XCL2: variants seen among roughly 807,000 people sequenced by gnomAD.
The protein encoded by XCL2 is X-C motif chemokine ligand 2.
Under a neutral mutation model 7.2 loss-of-function variants are expected in XCL2, and 8 were observed. The observed-to-expected ratio is 1.10, with a 90% CI of 0.65 to 1.99. The LOEUF (loss-of-function observed/expected upper bound fraction) is 1.99. Among genes scored for constraint, XCL2 ranks in the 30% most tolerant of loss-of-function variants. The probability of loss-of-function intolerance (pLI) is 0.00; values close to 1 mark genes in which losing one functional copy is unlikely to be tolerated. For synonymous variants in XCL2, 46 were observed against 54.2 expected (o/e 0.85, Z 0.67); for missense variants, 131 against 138.6 (o/e 0.94, Z 0.28).
At position 168,542,038 on chromosome 1, in the gene XCL2, C is replaced by A. The variant is rs1278128029; in HGVS notation, c.131G>T (p.Arg44Ile). The A allele has an allele frequency of 6.2e-7, 1 of 1,602,878 alleles. No individual in the cohort carries two copies. The highest frequency in any genetic ancestry group is 1.1e-5 in the South Asian group (1 of 89,686). ...TTCCGTGATGGTGTAGGTCTTGATT[C>A]TGCTAACTGGCAGTCGCTGGGTAGT... The part of the protein sequence containing the change: ...SLTTQRLPVS[R>I]IKTYTITEGS... The change falls in exon 2 of 3, where the codon AGA becomes ATA. Residue 44 changes from arginine (R) to isoleucine (I), a missense_variant. Arg to Ile is a moderately conservative substitution (Grantham distance 97). Coordinates refer to ENST00000367819, the MANE Select transcript of XCL2 (RefSeq NM_003175.4).
chr1:168,542,567 G>C (rs572878679), intron 1 of XCL2, among the ~76,000 whole-genome samples: 3 of 152,022 alleles, frequency 2.0e-5, no homozygotes, highest in East Asian at 3.9e-4. Flanking sequence ...ATTTCAAATA[G>C]TGCAACATGT....
chr1:168,541,244 G>C, intron 2 of XCL2, 124 bp from the exon 3 acceptor site: 5 of 1,294,812 alleles, frequency 3.9e-6, no homozygotes, highest in Non-Finnish European at 5.2e-6. Flanking sequence ...TAGTCTTTCA[G>C]AGCCATGAGA....
intron 1 of XCL2, among the ~76,000 whole-genome samples, chr1:168,542,537 A>ACAGG (rs1654311516): frequency 1.3e-5 from 2 of 152,108 alleles, no homozygotes; most frequent in East Asian, 3.9e-4. Flanking sequence ...CAGGCAGCAG[A>ACAGG]CAGGCAAACA....
At position 168,542,116 on chromosome 1, in the gene XCL2, G is replaced by GAA; in HGVS notation, c.62-11_62-10dup. Reference sequence around the variant, plus strand: ...GACTTCACTCCCTACACCTGATGAGGAAAAAAAAACAACAGACAATTAAAA... The same window carrying GAA: ...GACTTCACTCCCTACACCTGATGAGGAAAAAAAAAAACAACAGACAATTAAAA... On this transcript the variant is annotated splice_polypyrimidine_tract_variant and intron_variant, in intron 1 of 2. Coordinates refer to ENST00000367819, the MANE Select transcript of XCL2 (RefSeq NM_003175.4). The GAA allele has an allele frequency of 1.1e-5, 15 of 1,382,696 alleles. No individual in the cohort carries two copies. The highest frequency in any genetic ancestry group is 4.6e-5 in the South Asian group (3 of 65,250). The allele number at this position is 1,382,696 out of a possible 1,614,324, so 85.7% of individuals were successfully genotyped here.
chr1:168,540,932 G>A lies in XCL2; in HGVS notation c.*20C>T, dbSNP rs770791956. On this transcript the variant is annotated 3_prime_UTR_variant, in exon 3 of 3. Transcript: ENST00000367819. Reference sequence around the variant, plus strand: ...TGAAATGAGCTGGCTGGCTGGAGACGGACAGGGTGCCAGAGACTACTAGCC... The same window carrying A: ...TGAAATGAGCTGGCTGGCTGGAGACAGACAGGGTGCCAGAGACTACTAGCC... 13 of 1,610,516 alleles carry A rather than the reference G, an allele frequency of 8.1e-6. No individual in the cohort carries two copies. The highest frequency in any genetic ancestry group is 1.1e-5 in the Non-Finnish European group (13 of 1,177,186).
Position 168,542,082 on chromosome 1 carries a change from C to T in XCL2, c.87G>A (p.Arg29=). 1.3e-6 allele frequency: 2 copies of T among 1,544,180 alleles called. No homozygotes were observed. The highest frequency in any genetic ancestry group is 8.8e-7 in the Non-Finnish European group (1 of 1,138,184). The change falls in exon 2 of 3, where the codon AGG becomes AGA. Residue 29 remains arginine, a synonymous_variant. Transcript: ENST00000367819. ...GGGTAGTGAGGCTCACACAGGTCCT[C>T]CTATGTGAGACTTCACTCCCTACAC... is the stretch of plus-strand genomic sequence containing the variant. ...VEGVGSEVSH[R]RTCVSLTTQR... is the part of the protein sequence containing the mutation.
chr1:168,543,882 C>T (rs1244721674), intron 1 of XCL2, 22 bp downstream of exon 1: 1 of 1,593,728 alleles, frequency 6.3e-7, no homozygotes, highest in Non-Finnish European at 8.6e-7. Context: ...TTCTTTATCT[C>T]ACAGACAGCT....
intron 2 of XCL2, 86 bp from the exon 3 acceptor site, chr1:168,541,206 G>T: frequency 6.6e-7 from 1 of 1,504,846 alleles, no homozygotes; most frequent in Admixed American, 2.1e-5. Flanking sequence ...GACATGAAGA[G>T]ATCTTGTGCA....
chr1:168,543,676 AC>A (rs1238371343), intron 1 of XCL2, among the ~76,000 whole-genome samples: 1 of 148,270 alleles, frequency 6.7e-6, no homozygotes, highest in Non-Finnish European at 1.5e-5. Context: ...ACCTGAAATT[AC>A]CCAATTAGGA....
chr1:168,543,022 A>C (rs1654322977), intron 1 of XCL2: 2 of 358,758 alleles, frequency 5.6e-6, no homozygotes. Context: ...CTACTCAGCC[A>C]CTTAAGCTGA....
In XCL2 at chr1:168,542,091, G is replaced by T; in HGVS notation, c.78C>A (p.Val26=). Residue 26 remains valine, a synonymous_variant, in exon 2 of 3, where the codon GTC becomes GTA. Transcript: ENST00000367819. ...GGCTCACACAGGTCCTCCTATGTGAGACTTCACTCCCTACACCTGATGAGG... is the reference window on the plus strand; with the variant it reads ...GGCTCACACAGGTCCTCCTATGTGATACTTCACTCCCTACACCTGATGAGG... ...AYIVEGVGSE[V]SHRRTCVSLT... The T allele has an allele frequency of 1.3e-6, 2 of 1,527,870 alleles. No individual in the cohort carries two copies. Among genetic ancestry groups the T allele is most frequent in the Non-Finnish European group, 1.8e-6 (2 of 1,130,184 alleles). 94.6% of individuals were successfully genotyped at this position (1,527,870 alleles called of 1,614,324 possible). A position where few individuals can be genotyped will look rare whatever the true frequency, so the allele number is the denominator to read the frequency against.
At chr1:168,543,864 C>A in intron 1 of XCL2, 40 bp downstream of exon 1, 1 of 1,588,398 alleles carries the variant, frequency 6.3e-7, no homozygotes, top group Non-Finnish European at 8.6e-7. Context: ...ACCTGCCTTG[C>A]CTCCCTATTC....
Position 168,543,887 on chromosome 1 carries a change from A to C in XCL2, c.61+17T>G. 6.3e-7 allele frequency: 1 copy of C among 1,596,090 alleles called. No individual in the cohort carries two copies. Among genetic ancestry groups the C allele is most frequent in the Non-Finnish European group, 8.6e-7 (1 of 1,166,784 alleles). On this transcript the variant is annotated intron_variant, in intron 1 of 2. Coordinates refer to ENST00000367819, the MANE Select transcript of XCL2 (RefSeq NM_003175.4). ...TGCCTCCCTATTCTTTATCTCACAGACAGCTTCTCCACTTACCTTCCACAA... is the reference window on the plus strand; with the variant it reads ...TGCCTCCCTATTCTTTATCTCACAGCCAGCTTCTCCACTTACCTTCCACAA...
chr1:168,540,934 A>G lies in XCL2; in HGVS notation c.*18T>C, dbSNP rs1572563616. ...AAATGAGCTGGCTGGCTGGAGACGG[A>G]CAGGGTGCCAGAGACTACTAGCCAG... On this transcript the variant is annotated 3_prime_UTR_variant, in exon 3 of 3. Transcript: ENST00000367819. 2 of 1,610,870 alleles carry G rather than the reference A, an allele frequency of 1.2e-6. No homozygotes were observed. The highest frequency in any genetic ancestry group is 8.5e-7 in the Non-Finnish European group (1 of 1,177,420).
chr1:168,540,882 A>C lies in XCL2; in HGVS notation c.*70T>G, dbSNP rs929749779. 1 of 1,552,230 alleles carries C rather than the reference A, an allele frequency of 6.4e-7. No homozygotes were observed. The highest frequency in any genetic ancestry group is 1.4e-5 in the African/African-American group (1 of 73,456). ...CAGTGCTTTCATAAAAGGTGAGTATAATCTCAGTCCATGAGGGTGTAAAGT... is the reference window on the plus strand; with the variant it reads ...CAGTGCTTTCATAAAAGGTGAGTATCATCTCAGTCCATGAGGGTGTAAAGT... On this transcript the variant is annotated 3_prime_UTR_variant, in exon 3 of 3. Transcript: ENST00000367819.
At chr1:168,542,365 C>A (rs1209476342) in intron 1 of XCL2, among the ~76,000 whole-genome samples, 26 of 151,816 alleles carry the variant, frequency 1.7e-4, no homozygotes, top group African/African-American at 6.3e-4. Context: ...AGATGTTATC[C>A]CGTCTCTGTG....
At chr1:168,541,441 A>C (rs1654280663) in intron 2 of XCL2, among the ~76,000 whole-genome samples, 1 of 151,746 alleles carries the variant, frequency 6.6e-6, no homozygotes, top group Admixed American at 6.6e-5. Context: ...TCCTTTTCAA[A>C]TTTGAAAATA....
chr1:168,541,067 A>T lies in XCL2; in HGVS notation c.230T>A (p.Val77Glu), dbSNP rs771887864. The T allele has an allele frequency of 2.5e-6, 4 of 1,613,694 alleles. No individual in the cohort carries two copies. The highest frequency in any genetic ancestry group is 2.5e-6 in the Non-Finnish European group (3 of 1,179,720). Reference protein sequence around the residue: ...KVCADPQATWVRDVVRSMDRK... With the variant: ...KVCADPQATWERDVVRSMDRK... ...GTCCATGCTCCTGACCACGTCTCTC[A>T]CCCACGTGGCTTGTGGATCAGCACA... Residue 77 changes from valine (V) to glutamate (E), a missense_variant, in exon 3 of 3, where the codon GTG (valine) becomes GAG (glutamate). Coordinates refer to ENST00000367819, the MANE Select transcript of XCL2 (RefSeq NM_003175.4).
intron 2 of XCL2, 74 bp from the exon 3 acceptor site, chr1:168,541,194 C>A (rs577947767): frequency 8.2e-5 from 128 of 1,564,246 alleles, no homozygotes; most frequent in Non-Finnish European, 1.1e-4. Flanking sequence ...AAGATCAGGG[C>A]AGACATGAAG....
Sources: gnomAD v4.1 joint callset for allele counts (sites outside exome capture counted in the v4.1 genomes callset) on GRCh38, gnomAD v4.1.1 for gene constraint, MANE v1.5 for transcripts, NCBI Gene and HGNC (gene_info 2026-07-23, HGNC 2026-07-21) for gene names.